AUTS2: variants seen among roughly 807,000 people sequenced by gnomAD.
AUTS2 encodes activator of transcription and developmental regulator AUTS2.
Under a neutral mutation model 112.4 loss-of-function variants are expected in AUTS2, and 17 were observed. That is an observed-to-expected ratio of 0.15 (90% CI 0.10 to 0.23). The LOEUF is 0.23. Ranked by LOEUF, AUTS2 falls within the 10% of genes least tolerant of loss-of-function variation. AUTS2 has a pLI of 1.00. For synonymous variants in AUTS2, 751 were observed against 702.7 expected (o/e 1.07, Z -1.09); for missense variants, 1,510 against 1,701.6 (o/e 0.89, Z 1.98).
intron 1 of AUTS2, among the ~76,000 whole-genome samples, chr7:69,775,209 A>G (rs868293793): frequency 9.2e-5 from 14 of 152,128 alleles, no homozygotes; most frequent in South Asian, 6.3e-4. Context: ...ATTCCTTCTC[A>G]GGACACTTAT....
At chr7:70,096,611 A>G (rs192996684) in intron 2 of AUTS2, among the ~76,000 whole-genome samples, 10 of 151,274 alleles carry the variant, frequency 6.6e-5, no homozygotes, top group South Asian at 2.1e-4. Flanking sequence ...AAAAAAAAAA[A>G]AAAAAGAAAA....
At chr7:69,716,191 A>G (rs1798599686) in intron 1 of AUTS2, among the ~76,000 whole-genome samples, 1 of 152,040 alleles carries the variant, frequency 6.6e-6, no homozygotes, top group Middle Eastern at 3.4e-3. Context: ...TTTGAAATGT[A>G]TAGGTTTTCA....
At chr7:70,554,440 T>A (rs1220550809) in intron 5 of AUTS2, among the ~76,000 whole-genome samples, 3 of 142,102 alleles carry the variant, frequency 2.1e-5, no homozygotes, top group Non-Finnish European at 4.5e-5. Context: ...TGCAGGCTGG[T>A]CACAAACCAA....
intron 1 of AUTS2, among the ~76,000 whole-genome samples, chr7:69,808,127 C>T (rs908863303): frequency 6.6e-6 from 1 of 152,016 alleles, no homozygotes; most frequent in Non-Finnish European, 1.5e-5. Flanking sequence ...GGGGTTTTAC[C>T]ATGTTGTTCA....
chr7:69,883,524 T>C (rs897838268), intron 1 of AUTS2, among the ~76,000 whole-genome samples: 1 of 152,136 alleles, frequency 6.6e-6, no homozygotes, highest in African/African-American at 2.4e-5. Context: ...ACAGCTGTCA[T>C]TTTGGATTAA....
At chr7:70,435,359 G>C (rs973558060) in intron 4 of AUTS2, among the ~76,000 whole-genome samples, 6 of 152,162 alleles carry the variant, frequency 3.9e-5, no homozygotes, top group Non-Finnish European at 5.9e-5. Context: ...TTAAGAAATT[G>C]ATTTTGCTCT....
chr7:70,481,762 A>G (rs538136018), intron 5 of AUTS2, among the ~76,000 whole-genome samples: 2 of 152,188 alleles, frequency 1.3e-5, no homozygotes, highest in Non-Finnish European at 2.9e-5. Context: ...GCCACAGTCC[A>G]CAGTCCTAGT....
intron 4 of AUTS2, among the ~76,000 whole-genome samples, chr7:70,381,047 G>A (rs1370414742): frequency 2.0e-5 from 3 of 152,132 alleles, no homozygotes; most frequent in Non-Finnish European, 4.4e-5. Context: ...AAAAATATTG[G>A]CAATGATACC....
intron 6 of AUTS2, 186 bp downstream of exon 6, chr7:70,698,806 T>A (rs1809283907): frequency 4.2e-6 from 2 of 480,760 alleles, no homozygotes; most frequent in Non-Finnish European, 7.2e-6. Context: ...AACAACCAGT[T>A]TATTTTAAAA....
At chr7:70,714,547 C>A (rs375213180) in intron 6 of AUTS2, among the ~76,000 whole-genome samples, 2 of 152,190 alleles carry the variant, frequency 1.3e-5, no homozygotes, top group Non-Finnish European at 2.9e-5. Flanking sequence ...GGTCATTTTA[C>A]GTGATCTGTG....
Position 70,631,699 on chromosome 7 carries a change from C to G in AUTS2, c.691-66870C>G, listed in dbSNP as rs1805270545. The stretch of plus-strand genomic sequence containing the variant: ...AATACAGTCAGCACCATTTATAGCC[C>G]CATGTCCCCAACCTTAGCCTTTGCA... On this transcript the variant is annotated intron_variant, in intron 5 of 18. Transcript: ENST00000342771. This position sits in a 1 kb window ranked among gnomAD's most constrained non-coding sequence, Gnocchi z 4.5. 6.6e-6 allele frequency among the ~76,000 whole-genome samples: 1 copy of G among 152,140 alleles called. No homozygotes were observed. Among genetic ancestry groups the G allele is most frequent in the South Asian group, 2.1e-4 (1 of 4,816 alleles).
At chr7:69,996,964 A>T (rs1025607587) in intron 2 of AUTS2, among the ~76,000 whole-genome samples, 1 of 147,966 alleles carries the variant, frequency 6.8e-6, no homozygotes, top group South Asian at 2.1e-4. Flanking sequence ...AAAAAAAAAA[A>T]GCAAACTCCA....
intron 1 of AUTS2, among the ~76,000 whole-genome samples, chr7:69,850,385 C>T (rs1038564472): frequency 1.6e-4 from 16 of 102,300 alleles, no homozygotes; most frequent in Admixed American, 1.2e-3. Context: ...GGCAACAGAG[C>T]GAAACTCTGT....
chr7:70,050,840 C>T (rs1801719166), intron 2 of AUTS2, among the ~76,000 whole-genome samples: 1 of 152,046 alleles, frequency 6.6e-6, no homozygotes, highest in African/African-American at 2.4e-5. Flanking sequence ...ACTAAAAATA[C>T]AAAAATTGGC....
chr7:69,602,752 C>T (rs1377722036), intron 1 of AUTS2, among the ~76,000 whole-genome samples: 3 of 152,102 alleles, frequency 2.0e-5, no homozygotes, highest in African/African-American at 2.4e-5. Flanking sequence ...GTAGGGAAGC[C>T]GTAAATACAT....
At chr7:70,106,648 A>ACT (rs2129570535) in intron 2 of AUTS2, among the ~76,000 whole-genome samples, 1 of 152,234 alleles carries the variant, frequency 6.6e-6, no homozygotes, top group South Asian at 2.1e-4. Context: ...TTAGCCCAGG[A>ACT]GTTCAAGGCT....
In AUTS2 at chr7:69,856,109, A is replaced by G. The variant is rs755444332; in HGVS notation, c.310-43177A>G. Reference sequence around the variant, plus strand: ...CCATTCCTCACTTTTTGGATTTTAGATAATTCACTATTCTACATGCTTCAT... The same window carrying G: ...CCATTCCTCACTTTTTGGATTTTAGGTAATTCACTATTCTACATGCTTCAT... On this transcript the variant is annotated intron_variant, in intron 1 of 18. Transcript: ENST00000342771. 3.0e-4 allele frequency among the ~76,000 whole-genome samples: 45 copies of G among 152,268 alleles called. 1 individual carries two copies. Among genetic ancestry groups the G allele is most frequent in the Middle Eastern group, 6.8e-3 (2 of 294 alleles).
At chr7:69,783,322 A>T (rs1472402386) in intron 1 of AUTS2, among the ~76,000 whole-genome samples, 1 of 151,980 alleles carries the variant, frequency 6.6e-6, no homozygotes, top group South Asian at 2.1e-4. Flanking sequence ...CAGGCCCACG[A>T]TGATTTTAGG....
chr7:69,643,243 CACATAATCATGTAT>C (rs930708660), intron 1 of AUTS2: 3 of 152,274 alleles, frequency 2.0e-5, no homozygotes, highest in Admixed American at 1.3e-4. Flanking sequence ...GGAATGTAAT[CACATAATCATGTAT>C]ACATAATCAT....
Sources: gnomAD v4.1 joint callset for allele counts (sites outside exome capture counted in the v4.1 genomes callset) on GRCh38, gnomAD v4.1.1 for gene constraint, Gnocchi (gnomAD v3.1) non-coding constraint, MANE v1.5 for transcripts, NCBI Gene and HGNC (gene_info 2026-07-23, HGNC 2026-07-21) for gene names.